Variants in TRAPPC10 observed in about 807,000 individuals in gnomAD.
TRAPPC10 encodes the protein TRAPP 130 kDa subunit.
Under a neutral mutation model 125.5 loss-of-function variants are expected in TRAPPC10, and 23 were observed. That is an observed-to-expected ratio of 0.18 (90% CI 0.13 to 0.26). TRAPPC10 has a LOEUF of 0.26. Among genes scored for constraint, TRAPPC10 ranks in the 10% least tolerant of loss-of-function variants. The pLI is 1.00. For missense variants in TRAPPC10, 1,123 were observed against 1,308.4 expected (o/e 0.86, Z 2.19); for synonymous variants, 509 against 518.0 (o/e 0.98, Z 0.24).
chr21:44,049,179 G>A (rs951078979), intron 3 of TRAPPC10, among the ~76,000 whole-genome samples: 1 of 152,098 alleles, frequency 6.6e-6, no homozygotes, highest in East Asian at 1.9e-4. Context: ...ACCCACACGT[G>A]TACGTGCACA....
At chr21:44,072,831 G>A (rs953425163) in intron 7 of TRAPPC10, among the ~76,000 whole-genome samples, 6 of 152,196 alleles carry the variant, frequency 3.9e-5, no homozygotes, top group Admixed American at 3.3e-4. Flanking sequence ...AAGCTTTTGC[G>A]CAGTGGGTAC....
chr21:44,083,027 A>G lies in TRAPPC10; in HGVS notation c.1963A>G (p.Ile655Val). Reference sequence around the variant, plus strand: ...CAAGCACAAGACGTCCAATGGGATCATTAACTTTCCACCCGAGACCGCACC... The same window carrying G: ...CAAGCACAAGACGTCCAATGGGATCGTTAACTTTCCACCCGAGACCGCACC... ...LTKHKTSNGI[I>V]NFPPETAPFP... The change falls in exon 14 of 23, where the codon ATT (isoleucine) becomes GTT (valine). Residue 655 changes from isoleucine to valine, a missense_variant. This residue lies in a region of TRAPPC10 where 840 missense variants were observed against 902.0 expected (regional missense o/e 0.93). Coordinates refer to ENST00000291574, the MANE Select transcript of TRAPPC10 (RefSeq NM_003274.5). 6.2e-7 allele frequency: 1 copy of G among 1,614,152 alleles called. No individual in the cohort carries two copies. The highest frequency in any genetic ancestry group is 8.5e-7 in the Non-Finnish European group (1 of 1,180,034).
Position 44,059,498 on chromosome 21 carries a change from G to T in TRAPPC10, c.790+284G>T. The T allele has an allele frequency of 1.3e-6, 1 of 756,874 alleles. No homozygotes were observed. Among genetic ancestry groups the T allele is most frequent in the Non-Finnish European group, 2.5e-6 (1 of 405,290 alleles). The allele number at this position is 756,874 out of a possible 1,614,324, so 46.9% of individuals were successfully genotyped here. On this transcript the variant is annotated intron_variant, in intron 6 of 22. Transcript: ENST00000291574. This position sits in a 1 kb window ranked among gnomAD's most constrained non-coding sequence, Gnocchi z 4.4. Reference sequence around the variant, plus strand: ...TGTCCTTTCCACAACTCAGTGGCCTGCTGGTGATGCTTCGATTCTGTCCCT... The same window carrying T: ...TGTCCTTTCCACAACTCAGTGGCCTTCTGGTGATGCTTCGATTCTGTCCCT...
chr21:44,080,705 T>A (rs1465419555), intron 13 of TRAPPC10, among the ~76,000 whole-genome samples: 1 of 151,898 alleles, frequency 6.6e-6, no homozygotes, highest in Non-Finnish European at 1.5e-5. Context: ...GCCCTGCTAA[T>A]TTTTTGTATT....
chr21:44,046,858 G>T, intron 3 of TRAPPC10: 1 of 732,040 alleles, frequency 1.4e-6, no homozygotes, highest in Non-Finnish European at 2.5e-6. Context: ...CCTCTGCAGC[G>T]AGGTACTCCA....
rs201213914 is a variant in TRAPPC10, at chr21:44,032,177, G to C, written c.149+5G>C. The C allele has an allele frequency of 1.0e-3, 1,611 of 1,611,586 alleles. 4 individuals carry two copies. The highest frequency in any genetic ancestry group is 1.2e-3 in the Non-Finnish European group (1,451 of 1,178,916). On this transcript the variant is annotated splice_donor_5th_base_variant and intron_variant, in intron 2 of 22. Coordinates refer to ENST00000291574, the MANE Select transcript of TRAPPC10 (RefSeq NM_003274.5). ...AGAACCAATGGAATGGAGAAGGTAT[G>C]AGTTGTGTGTTTTTTGGCTGTATCC...
intron 1 of TRAPPC10, among the ~76,000 whole-genome samples, chr21:44,015,268 C>T (rs1365416495): frequency 2.0e-5 from 3 of 152,010 alleles, no homozygotes; most frequent in African/African-American, 7.3e-5. Context: ...CTGCTTAGAC[C>T]TTTCTGGGAA....
At chr21:44,027,097 TC>T (rs1262529566) in intron 1 of TRAPPC10, among the ~76,000 whole-genome samples, 12 of 152,234 alleles carry the variant, frequency 7.9e-5, no homozygotes, top group Non-Finnish European at 1.5e-4. Flanking sequence ...AACTTACTGT[TC>T]CTTTTACCAA....
Position 44,063,035 on chromosome 21 carries a change from C to G in TRAPPC10, c.791-503C>G. 1 of 1,304,360 alleles carries G rather than the reference C, an allele frequency of 7.7e-7. No individual in the cohort carries two copies. Among genetic ancestry groups the G allele is most frequent in the Non-Finnish European group, 1.0e-6 (1 of 989,080 alleles). The allele number at this position is 1,304,360 out of a possible 1,614,324, so 80.8% of individuals were successfully genotyped here. A position where few individuals can be genotyped will look rare whatever the true frequency, so the allele number is the denominator to read the frequency against. Reference sequence around the variant, plus strand: ...CTTCTATGTGCTGCTACCAAGTCCTCCCTGTCCCTTCCTCCAGGAGCTTGA... The same window carrying G: ...CTTCTATGTGCTGCTACCAAGTCCTGCCTGTCCCTTCCTCCAGGAGCTTGA... On this transcript the variant is annotated intron_variant, in intron 6 of 22. Transcript: ENST00000291574. This position sits in a 1 kb window ranked among gnomAD's most constrained non-coding sequence, Gnocchi z 4.4.
In TRAPPC10 at chr21:44,082,654, G is replaced by C; in HGVS notation, c.1724-134G>C. Reference sequence around the variant, plus strand: ...GGGGTGTGAAGATGGCAGGAGGCTGGGCTCAGCTGCTGTGCCCATCACTGC... The same window carrying C: ...GGGGTGTGAAGATGGCAGGAGGCTGCGCTCAGCTGCTGTGCCCATCACTGC... On this transcript the variant is annotated intron_variant, in intron 13 of 22. Coordinates refer to ENST00000291574, the MANE Select transcript of TRAPPC10 (RefSeq NM_003274.5). This position sits in a 1 kb window ranked among gnomAD's most constrained non-coding sequence, Gnocchi z 4.4. 1.1e-6 allele frequency: 1 copy of C among 952,258 alleles called. No individual in the cohort carries two copies. The allele number at this position is 952,258 out of a possible 1,614,324, so 59.0% of individuals were successfully genotyped here.
intron 11 of TRAPPC10, among the ~76,000 whole-genome samples, chr21:44,079,073 T>A (rs939944240): frequency 2.0e-5 from 3 of 152,180 alleles, no homozygotes; most frequent in East Asian, 3.9e-4. Flanking sequence ...GGCTCTGTGC[T>A]CCCTTCCGCT....
At chr21:44,055,379 C>T (rs1320176477) in intron 4 of TRAPPC10, among the ~76,000 whole-genome samples, 3 of 151,998 alleles carry the variant, frequency 2.0e-5, no homozygotes, top group Non-Finnish European at 2.9e-5. Flanking sequence ...TGTTTGAGCC[C>T]AGGAGTTCGA....
chr21:44,056,523 C>A (rs1294318680), intron 5 of TRAPPC10, among the ~76,000 whole-genome samples: 2 of 152,172 alleles, frequency 1.3e-5, no homozygotes, highest in African/African-American at 4.8e-5. Context: ...CGCTTCTGCC[C>A]ATGAGAAGCT....
chr21:44,084,019 A>C, intron 14 of TRAPPC10, 103 bp from the exon 15 acceptor site: 1 of 1,355,738 alleles, frequency 7.4e-7, no homozygotes, highest in East Asian at 2.4e-5. Flanking sequence ...AAAGAAGTAC[A>C]GGCCTTTCTG....
Position 44,012,530 on chromosome 21 carries a change from T to C in TRAPPC10, c.37T>C (p.Tyr13His). 2 of 1,535,520 alleles carry C rather than the reference T, an allele frequency of 1.3e-6. No homozygotes were observed. Among genetic ancestry groups the C allele is most frequent in the Non-Finnish European group, 1.8e-6 (2 of 1,139,590 alleles). Residue 13 changes from tyrosine (Y) to histidine (H), a missense_variant, in exon 1 of 23, where the codon TAC (tyrosine) becomes CAC (histidine). Transcript: ENST00000291574. ...ASEEPLPPVIYTMENKPIVTC... is the reference protein window; with the variant it reads ...ASEEPLPPVIHTMENKPIVTC... ...TGAGGAGCCGCTGCCGCCGGTGATC[T>C]ACACCATGGAGAACAAGCCCATCGT...
At chr21:44,050,429 C>G (rs1220989022) in intron 3 of TRAPPC10, among the ~76,000 whole-genome samples, 1 of 152,138 alleles carries the variant, frequency 6.6e-6, no homozygotes, top group Non-Finnish European at 1.5e-5. Context: ...AGCTAAAGGG[C>G]TCTTGGTGGC....
intron 1 of TRAPPC10, among the ~76,000 whole-genome samples, chr21:44,012,918 GGGCCCC>G (rs2031321312): frequency 6.6e-6 from 1 of 152,066 alleles, no homozygotes; most frequent in Admixed American, 6.5e-5. Flanking sequence ...CGGGACCTGG[GGGCCCC>G]GGCCTCTTCC....
At position 44,037,909 on chromosome 21, in the gene TRAPPC10, T is replaced by G; in HGVS notation, c.267T>G (p.Ile89Met). The G allele has an allele frequency of 6.2e-7, 1 of 1,613,752 alleles. No homozygotes were observed. The change falls in exon 3 of 23, where the codon ATT becomes ATG. Residue 89 changes from isoleucine (I) to methionine (M), a missense_variant. Physicochemically the swap from Ile to Met is conservative, Grantham distance 10. Around this residue, in one of 4 missense-constraint regions of TRAPPC10, gnomAD observed 177 missense variants for 228.9 expected, o/e 0.77. Transcript: ENST00000291574. ...TGCTCACGTTTCCCTTCCTCCATATTTACTGGACAGAGTGCTGTGTGAGTA... is the reference window on the plus strand; with the variant it reads ...TGCTCACGTTTCCCTTCCTCCATATGTACTGGACAGAGTGCTGTGTGAGTA... ...KALLTFPFLH[I>M]YWTECCDTEV...
intron 4 of TRAPPC10, among the ~76,000 whole-genome samples, chr21:44,053,257 CTT>C (rs1165657686): frequency 6.6e-6 from 1 of 152,064 alleles, no homozygotes; most frequent in African/African-American, 2.4e-5. Context: ...GATATTAACT[CTT>C]AGTATTTTGG....
Sources: gnomAD v4.1 joint callset for allele counts (sites outside exome capture counted in the v4.1 genomes callset) on GRCh38, gnomAD v4.1.1 for gene constraint, gnomAD v4.1.1 regional missense constraint, Gnocchi (gnomAD v3.1) non-coding constraint, MANE v1.5 for transcripts, NCBI Gene and HGNC (gene_info 2026-07-23, HGNC 2026-07-21) for gene names.